LUZP2: variants seen among roughly 807,000 people sequenced by gnomAD.
LUZP2 encodes the protein leucine zipper protein 2.
In LUZP2, 52 loss-of-function variants were observed where a neutral mutation model predicts 51.6. That is an observed-to-expected ratio of 1.01 (90% CI 0.81 to 1.27). The LOEUF (loss-of-function observed/expected upper bound fraction) is 1.27. LUZP2 is among the 50% of genes most tolerant of loss of function. The pLI is 0.00. For missense variants in LUZP2, 436 were observed against 395.4 expected (o/e 1.10, Z -0.87); for synonymous variants, 154 against 137.3 (o/e 1.12, Z -0.85).
At chr11:24,834,448 T>A (rs988641056) in intron 5 of LUZP2, among the ~76,000 whole-genome samples, 2 of 152,242 alleles carry the variant, frequency 1.3e-5, no homozygotes, top group African/African-American at 4.8e-5. Flanking sequence ...GCCTGCATAG[T>A]ATTCCATGGT....
intron 1 of LUZP2, among the ~76,000 whole-genome samples, chr11:24,602,385 T>TACACACACACACAC (rs1444866024): frequency 1.6e-4 from 14 of 86,608 alleles, no homozygotes; most frequent in Admixed American, 3.8e-4. Flanking sequence ...TATATATATA[T>TACACACACACACAC]ATACACACAC....
intron 1 of LUZP2, among the ~76,000 whole-genome samples, chr11:24,659,347 C>G (rs1043009200): frequency 5.3e-5 from 8 of 152,126 alleles, no homozygotes; most frequent in Non-Finnish European, 7.3e-5. Context: ...CGCATATTCT[C>G]ACTCATAGGT....
At chr11:25,076,258 T>G (rs1590902794) in intron 10 of LUZP2, among the ~76,000 whole-genome samples, 6 of 152,188 alleles carry the variant, frequency 3.9e-5, no homozygotes, top group Admixed American at 3.9e-4. Flanking sequence ...TTGCCCAGGC[T>G]GGTCTCAAAC....
At chr11:24,499,211 A>G (rs1473355563) in intron 1 of LUZP2, among the ~76,000 whole-genome samples, 1 of 152,216 alleles carries the variant, frequency 6.6e-6, no homozygotes, top group Non-Finnish European at 1.5e-5. Context: ...GCTGGGCTTG[A>G]AAAAGATGAA....
At chr11:24,713,055 C>T (rs1857898066) in intron 1 of LUZP2, among the ~76,000 whole-genome samples, 1 of 152,146 alleles carries the variant, frequency 6.6e-6, no homozygotes, top group Non-Finnish European at 1.5e-5. Context: ...TTCTGCCACA[C>T]ATCTACAATG....
intron 1 of LUZP2, among the ~76,000 whole-genome samples, chr11:24,622,846 T>C (rs1462059395): frequency 6.6e-6 from 1 of 152,220 alleles, no homozygotes; most frequent in Non-Finnish European, 1.5e-5. Context: ...CCTTTCACTT[T>C]ACAAAACTGC....
intron 7 of LUZP2, 82 bp downstream of exon 7, chr11:24,914,620 T>C: frequency 1.1e-6 from 1 of 939,378 alleles, no homozygotes; most frequent in South Asian, 1.7e-5. Flanking sequence ...GTTAAATTTA[T>C]TTTCTGGAAT....
intron 5 of LUZP2, among the ~76,000 whole-genome samples, chr11:24,815,007 TA>T (rs972555737): frequency 7.2e-4 from 24 of 33,180 alleles, no homozygotes; most frequent in Middle Eastern, 0.024. Flanking sequence ...AAAAAAAAAA[TA>T]AAAATAATCA....
intron 9 of LUZP2, among the ~76,000 whole-genome samples, chr11:25,015,350 C>T (rs1332922248): frequency 6.6e-6 from 1 of 152,134 alleles, no homozygotes; most frequent in Non-Finnish European, 1.5e-5. Flanking sequence ...TATATCAAAA[C>T]AAAGAAGTTA....
intron 5 of LUZP2, among the ~76,000 whole-genome samples, chr11:24,781,540 C>T (rs1849091115): frequency 6.6e-6 from 1 of 151,314 alleles, no homozygotes; most frequent in South Asian, 2.1e-4. Flanking sequence ...GTAATTTTCT[C>T]CATCAGTCAT....
intron 1 of LUZP2, among the ~76,000 whole-genome samples, chr11:24,616,947 A>G (rs1854309018): frequency 6.6e-6 from 1 of 152,198 alleles, no homozygotes. Flanking sequence ...TATACTCCAT[A>G]GGCACTTGAA....
chr11:25,065,587 T>G (rs1858976037), intron 10 of LUZP2, among the ~76,000 whole-genome samples: 2 of 152,048 alleles, frequency 1.3e-5, no homozygotes, highest in African/African-American at 4.8e-5. Context: ...CCACGGGGTT[T>G]AACCTTATTC....
At position 25,015,612 on chromosome 11, in the gene LUZP2, T is replaced by G. The variant is rs529637337; in HGVS notation, c.765+32319T>G. 2.0e-5 allele frequency among the ~76,000 whole-genome samples: 3 copies of G among 152,188 alleles called. No homozygotes were observed. In the East Asian group the frequency reaches 5.8e-4, roughly 30 times the overall value. ...CCAATACAGATCTGTCAAATGGGTT[T>G]TCATGCTTGGACTGGAGTTACAGAT... On this transcript the variant is annotated intron_variant, in intron 9 of 11. Coordinates refer to ENST00000336930, the MANE Select transcript of LUZP2 (RefSeq NM_001009909.4).
chr11:24,967,463 A>G (rs183189500), intron 7 of LUZP2, among the ~76,000 whole-genome samples: 5 of 151,754 alleles, frequency 3.3e-5, no homozygotes, highest in Admixed American at 2.6e-4. Flanking sequence ...TTCTGAATGC[A>G]TTTTTTCTCT....
At chr11:24,834,177 A>G (rs2134185278) in intron 5 of LUZP2, among the ~76,000 whole-genome samples, 1 of 152,008 alleles carries the variant, frequency 6.6e-6, no homozygotes, top group East Asian at 1.9e-4. Flanking sequence ...TGCTGCACCT[A>G]TCAACCTGTC....
chr11:24,769,786 C>CTCTTTTTTTTTTT (rs764723270), intron 5 of LUZP2, among the ~76,000 whole-genome samples: 2 of 147,040 alleles, frequency 1.4e-5, no homozygotes, highest in Non-Finnish European at 3.0e-5. Flanking sequence ...ACTAAATTCT[C>CTCTTTTTTTTTTT]TTTTTTGTTT....
chr11:25,061,232 G>A (rs992764260), intron 10 of LUZP2, among the ~76,000 whole-genome samples: 2 of 152,116 alleles, frequency 1.3e-5, no homozygotes. Flanking sequence ...GTGATTGTGT[G>A]TTCTTTTGCA....
At chr11:24,831,457 T>A (rs1850704059) in intron 5 of LUZP2, among the ~76,000 whole-genome samples, 1 of 152,198 alleles carries the variant, frequency 6.6e-6, no homozygotes, top group Non-Finnish European at 1.5e-5. Context: ...CAGAATGAGA[T>A]GCTTTTAAAG....
intron 10 of LUZP2, among the ~76,000 whole-genome samples, chr11:25,067,234 T>G (rs1025235756): frequency 6.6e-6 from 1 of 152,060 alleles, no homozygotes. Flanking sequence ...TGAAGTTGTT[T>G]TTTTCTGTAA....
Sources: gnomAD v4.1 joint callset for allele counts (sites outside exome capture counted in the v4.1 genomes callset) on GRCh38, gnomAD v4.1.1 for gene constraint, MANE v1.5 for transcripts, NCBI Gene and HGNC (gene_info 2026-07-23, HGNC 2026-07-21) for gene names.